GRIA3: variants seen among roughly 807,000 people sequenced by gnomAD.
GRIA3 encodes the protein glutamate ionotropic receptor AMPA type subunit 3, also known as glutamate receptor 3.
A neutral mutation model predicts 63.0 loss-of-function variants in GRIA3; 3 were observed. The ratio of observed to expected loss-of-function variants is 0.05; its 90% CI spans 0.02 to 0.12. The LOEUF (loss-of-function observed/expected upper bound fraction) is 0.12. Ranked by LOEUF, GRIA3 falls within the 10% of genes least tolerant of loss-of-function variation. GRIA3 has a pLI of 1.00. For synonymous variants in GRIA3, 274 were observed against 257.9 expected, an observed-to-expected ratio of 1.06 and a Z score of -0.60; for missense variants, 347 against 700.9, an observed-to-expected ratio of 0.50 and a Z score of 5.70.
chrX:123,379,908 T>C (rs1353347107), intron 5 of GRIA3, among the ~76,000 whole-genome samples: 4 of 106,179 alleles, frequency 3.8e-5, no homozygotes, highest in Admixed American at 1.0e-4. Flanking sequence ...GTTTTCTGTC[T>C]TTGTGATAGT....
At chrX:123,296,970 A>G (rs1009133399) in intron 3 of GRIA3, among the ~76,000 whole-genome samples, 1 of 111,649 alleles carries the variant, frequency 9.0e-6, no homozygotes, top group Admixed American at 9.5e-5. Flanking sequence ...GTGGTATATA[A>G]TAGAAGTTCT....
At chrX:123,266,318 C>G (rs2044488101) in intron 3 of GRIA3, among the ~76,000 whole-genome samples, 1 of 111,303 alleles carries the variant, frequency 9.0e-6, no homozygotes, top group African/African-American at 3.3e-5. Context: ...CTACCTGGAC[C>G]TCAAACTCAA....
chrX:123,308,775 G>T (rs889648126), intron 3 of GRIA3, among the ~76,000 whole-genome samples: 1 of 111,932 alleles, frequency 8.9e-6, no homozygotes, highest in Non-Finnish European at 1.9e-5. Context: ...GATGGCTGCT[G>T]CCGCCACATC....
intron 2 of GRIA3, among the ~76,000 whole-genome samples, chrX:123,217,597 G>T (rs1603031213): frequency 8.9e-6 from 1 of 111,942 alleles, no homozygotes; most frequent in South Asian, 3.8e-4. Flanking sequence ...TCTCTGCCTT[G>T]TCATTTTATC....
intron 4 of GRIA3, among the ~76,000 whole-genome samples, chrX:123,337,809 C>T (rs1478557488): frequency 9.0e-6 from 1 of 111,669 alleles, no homozygotes; most frequent in Non-Finnish European, 1.9e-5. Flanking sequence ...TTTCAAACTA[C>T]TACTTGTGCT....
At chrX:123,368,132 T>C (rs2045224675) in intron 5 of GRIA3, among the ~76,000 whole-genome samples, 1 of 111,040 alleles carries the variant, frequency 9.0e-6, no homozygotes, top group African/African-American at 3.3e-5. Flanking sequence ...GTGACAGTAA[T>C]TGGAGTGTGT....
At chrX:123,280,448 T>C (rs1174429238) in intron 3 of GRIA3, among the ~76,000 whole-genome samples, 3 of 112,071 alleles carry the variant, frequency 2.7e-5, no homozygotes, top group Admixed American at 9.5e-5. Context: ...AAAAATAAGG[T>C]AGCTGAGGAT....
intron 2 of GRIA3, among the ~76,000 whole-genome samples, chrX:123,232,092 G>A (rs1569404001): frequency 9.0e-6 from 1 of 111,704 alleles, no homozygotes; most frequent in Admixed American, 9.5e-5. Flanking sequence ...GATGCTTACT[G>A]AAAATAAGTC....
chrX:123,208,947 C>G (rs781465891), intron 2 of GRIA3, among the ~76,000 whole-genome samples: 1 of 112,273 alleles, frequency 8.9e-6, no homozygotes, highest in African/African-American at 3.2e-5. Flanking sequence ...AGAGGTGGCA[C>G]TGTCTAAATT....
chrX:123,309,058 G>A (rs1181282309), intron 3 of GRIA3, among the ~76,000 whole-genome samples: 1 of 112,058 alleles, frequency 8.9e-6, no homozygotes, highest in East Asian at 2.8e-4. Context: ...CTCCTCTGAG[G>A]CATAAGGCGT....
Position 123,354,819 on chromosome X carries a change from C to T in GRIA3, c.697-91C>T, listed in dbSNP as rs186281229. ...ACTGTGATTTTCCTGTATATAAAAG[C>T]TCTAACATTTTGTTCTAGCCACCCC... On this transcript the variant is annotated intron_variant, in intron 4 of 15. Transcript: ENST00000620443. The T allele has an allele frequency of 6.5e-5, 41 of 633,191 alleles. No individual in the cohort carries two copies. The Middle Eastern group carries it at 1.5e-3, about 23-fold the overall frequency. The allele number at this position is 633,191 out of a possible 1,213,427, so 52.2% of individuals were successfully genotyped here.
chrX:123,373,453 C>T lies in GRIA3; in HGVS notation c.750+18490C>T, dbSNP rs778798240. On this transcript the variant is annotated intron_variant, in intron 5 of 15. Transcript: ENST00000620443. ...GAGGAATCGCCACTGTCTTCCACAG[C>T]GGTTGAACTAGTTTACACTCCCACC... 8.2e-3 allele frequency among the ~76,000 whole-genome samples: 916 copies of T among 111,714 alleles called. 4 individuals are homozygous for T. Among genetic ancestry groups the T allele is most frequent in the Middle Eastern group, 0.037 (8 of 218 alleles).
chrX:123,460,212 T>C (rs2045784820), intron 12 of GRIA3, among the ~76,000 whole-genome samples: 1 of 112,158 alleles, frequency 8.9e-6, no homozygotes, highest in Non-Finnish European at 1.9e-5. Flanking sequence ...CAAATTATAG[T>C]GCACTTGGAT....
At chrX:123,306,648 T>G (rs890364092) in intron 3 of GRIA3, among the ~76,000 whole-genome samples, 1 of 111,768 alleles carries the variant, frequency 8.9e-6, no homozygotes, top group Non-Finnish European at 1.9e-5. Context: ...AAGATAGGAA[T>G]GTCAAAAGGC....
At chrX:123,189,223 C>T (rs912156903) in intron 2 of GRIA3, among the ~76,000 whole-genome samples, 1 of 112,232 alleles carries the variant, frequency 8.9e-6, no homozygotes, top group Non-Finnish European at 1.9e-5. Flanking sequence ...GCTAGATAAC[C>T]CCAGAACCAA....
intron 12 of GRIA3, among the ~76,000 whole-genome samples, chrX:123,431,027 T>TACACACACAC (rs3050442): frequency 0.058 from 5,719 of 99,362 alleles, 215 homozygotes; most frequent in East Asian, 0.22. Flanking sequence ...GTAACTCACA[T>TACACACACAC]ACACACACAC....
chrX:123,437,316 A>G (rs1232213594), intron 12 of GRIA3, among the ~76,000 whole-genome samples: 1 of 110,977 alleles, frequency 9.0e-6, no homozygotes, highest in Non-Finnish European at 1.9e-5. Context: ...GATGTATAGA[A>G]TAATTCCAGG....
chrX:123,302,001 A>G (rs2044726120), intron 3 of GRIA3, among the ~76,000 whole-genome samples: 1 of 112,063 alleles, frequency 8.9e-6, no homozygotes, highest in African/African-American at 3.2e-5. Context: ...TGCCTGGATA[A>G]CTTCGTGACC....
chrX:123,292,082 C>A (rs1171655452), intron 3 of GRIA3, among the ~76,000 whole-genome samples: 1 of 111,129 alleles, frequency 9.0e-6, no homozygotes, highest in African/African-American at 3.3e-5. Context: ...TCCTAGCCAC[C>A]AAGCTGCACT....
Sources: allele counts gnomAD v4.1 joint callset (sites outside exome capture counted in the v4.1 genomes callset), GRCh38; gene constraint gnomAD v4.1.1; transcripts MANE v1.5; gene names NCBI Gene and HGNC (gene_info 2026-07-23, HGNC 2026-07-21).